Variants in CLEC2L observed in about 807,000 individuals in gnomAD.
CLEC2L encodes C-type lectin domain family 2, member L.
In CLEC2L, 14 loss-of-function variants were observed where a neutral mutation model predicts 23.6. That is an observed-to-expected ratio of 0.59 (90% CI 0.39 to 0.93). CLEC2L has a LOEUF of 0.93. Among genes scored for constraint, CLEC2L ranks in the 40% least tolerant of loss-of-function variants. The probability of loss-of-function intolerance (pLI) is 0.00; values close to 1 mark genes in which losing one functional copy is unlikely to be tolerated. For synonymous variants in CLEC2L, 114 were observed against 121.3 expected, an observed-to-expected ratio of 0.94 and a Z score of 0.40; for missense variants, 264 against 282.4, an observed-to-expected ratio of 0.93 and a Z score of 0.47.
chr7:139,540,133 G>C lies in CLEC2L; in HGVS notation c.266-188G>C, dbSNP rs1797712588. The C allele has an allele frequency of 5.1e-6, 3 of 593,976 alleles. No homozygotes were observed. Among genetic ancestry groups the C allele is most frequent in the African/African-American group, 1.9e-5 (1 of 53,758 alleles). The allele number at this position is 593,976 out of a possible 1,614,324, so 36.8% of individuals were successfully genotyped here. A position where few individuals can be genotyped will look rare whatever the true frequency, so the allele number is the denominator to read the frequency against. On this transcript the variant is annotated intron_variant, in intron 2 of 4. Transcript: ENST00000422142. This position sits in a 1 kb window ranked among gnomAD's most constrained non-coding sequence, Gnocchi z 5.8. ...CCCGTCGTGATGATGCCCCTGCCAG[G>C]CTTCCCACAGTCCCCTTTCTCATTC...
Position 139,544,632 on chromosome 7 carries a change from C to T in CLEC2L, c.*290C>T, listed in dbSNP as rs1208604456. 8.3e-6 allele frequency: 3 copies of T among 362,982 alleles called. No individual in the cohort carries two copies. In the South Asian group the frequency reaches 1.2e-4, roughly 15 times the overall value. 22.5% of individuals were successfully genotyped at this position (362,982 alleles called of 1,614,324 possible). A position where few individuals can be genotyped will look rare whatever the true frequency, so the allele number is the denominator to read the frequency against. On this transcript the variant is annotated 3_prime_UTR_variant, in exon 5 of 5. Coordinates refer to ENST00000422142, the MANE Select transcript of CLEC2L (RefSeq NM_001080511.4). The stretch of plus-strand genomic sequence containing the variant: ...ATGCATAGGTACACGCACGCACAGA[C>T]GCTGTCCCTTCTGAAGCTCAGTGTC...
At chr7:139,542,192 A>C (rs1797745945) in intron 4 of CLEC2L, 71 bp downstream of exon 4, 1 of 1,013,836 alleles carries the variant, frequency 9.9e-7, no homozygotes, top group South Asian at 1.5e-5. Context: ...CCTGGACACA[A>C]CTCCCGAAGA....
intron 3 of CLEC2L, among the ~76,000 whole-genome samples, chr7:139,541,440 C>T (rs914394804): frequency 6.6e-6 from 1 of 152,176 alleles, no homozygotes; most frequent in African/African-American, 2.4e-5. Flanking sequence ...CCAAAACAGT[C>T]TTAGCAACAG....
rs570118822 is a variant in CLEC2L, at chr7:139,542,185, G to A, written c.533+64G>A. 6.4e-6 allele frequency: 7 copies of A among 1,086,968 alleles called. No homozygotes were observed. In the South Asian group the frequency reaches 8.5e-5, roughly 13 times the overall value. 67.3% of individuals were successfully genotyped at this position (1,086,968 alleles called of 1,614,324 possible). A position where few individuals can be genotyped will look rare whatever the true frequency, so the allele number is the denominator to read the frequency against. ...CTGAGAAAGGCCTGACTCACCCCCT[G>A]GACACAACTCCCGAAGAGAGAAGCC... is the stretch of plus-strand genomic sequence containing the variant. On this transcript the variant is annotated intron_variant, in intron 4 of 4. Transcript: ENST00000422142.
chr7:139,533,418 C>T (rs965617180), intron 1 of CLEC2L, among the ~76,000 whole-genome samples: 7 of 152,138 alleles, frequency 4.6e-5, no homozygotes, highest in Non-Finnish European at 1.0e-4. Context: ...TGCACTGATG[C>T]GATCTTGGCT....
chr7:139,523,829 CT>C lies in CLEC2L; in HGVS notation c.-98del. On this transcript the variant is annotated 5_prime_UTR_variant, in exon 1 of 5. Coordinates refer to ENST00000422142, the MANE Select transcript of CLEC2L (RefSeq NM_001080511.4). This position sits in a 1 kb window ranked among gnomAD's most constrained non-coding sequence, Gnocchi z 4.1. ...CGGTCCTAGCCCACCCGAGGCCGGC[CT>C]GGGGGGCCCGCAGGGCGCGCGGAGC... 2.4e-6 allele frequency: 2 copies of C among 824,926 alleles called. No individual in the cohort carries two copies. Among genetic ancestry groups the C allele is most frequent in the Non-Finnish European group, 2.9e-6 (2 of 685,824 alleles). 51.1% of individuals were successfully genotyped at this position (824,926 alleles called of 1,614,324 possible). A position where few individuals can be genotyped will look rare whatever the true frequency, so the allele number is the denominator to read the frequency against.
At chr7:139,529,030 T>C (rs1353340295) in intron 1 of CLEC2L, among the ~76,000 whole-genome samples, 8 of 152,210 alleles carry the variant, frequency 5.3e-5, no homozygotes, top group Admixed American at 5.2e-4. Context: ...TCCCATAGTT[T>C]TTGAGTTCCA....
chr7:139,535,032 A>G (rs897521805), intron 1 of CLEC2L, among the ~76,000 whole-genome samples: 3 of 152,138 alleles, frequency 2.0e-5, no homozygotes, highest in Non-Finnish European at 2.9e-5. Flanking sequence ...ACTCCTAAGC[A>G]TATACCCAAA....
chr7:139,537,527 A>G (rs1318537058), intron 2 of CLEC2L, among the ~76,000 whole-genome samples: 2 of 152,146 alleles, frequency 1.3e-5, no homozygotes, highest in East Asian at 1.9e-4. Flanking sequence ...TGCTTGTGCA[A>G]ACTAATCCTG....
Position 139,544,431 on chromosome 7 carries a change from C to A in CLEC2L, c.*89C>A. ...GACCTGCTTCCAGCGGAGCCGCCTGCCCTCTGCAAGGCGAAGCGGTGGGTG... is the reference window on the plus strand; with the variant it reads ...GACCTGCTTCCAGCGGAGCCGCCTGACCTCTGCAAGGCGAAGCGGTGGGTG... On this transcript the variant is annotated 3_prime_UTR_variant, in exon 5 of 5. Coordinates refer to ENST00000422142, the MANE Select transcript of CLEC2L (RefSeq NM_001080511.4). 2.1e-6 allele frequency: 2 copies of A among 972,048 alleles called. No homozygotes were observed. Among genetic ancestry groups the A allele is most frequent in the Non-Finnish European group, 3.1e-6 (2 of 636,502 alleles). The allele number at this position is 972,048 out of a possible 1,614,324, so 60.2% of individuals were successfully genotyped here.
At chr7:139,524,563 G>A (rs1285666186) in intron 1 of CLEC2L, among the ~76,000 whole-genome samples, 5 of 151,438 alleles carry the variant, frequency 3.3e-5, no homozygotes, top group Admixed American at 3.3e-4. Context: ...ACCCCGTGGT[G>A]GTGGGGCATG....
Position 139,523,709 on chromosome 7 carries a change from G to C in CLEC2L, c.-219G>C, listed in dbSNP as rs1446395902. ...CAGCCCGGCTGTGCGTGGAGGCTGC[G>C]GCTCGGCGGGGCAGGCGCTGAGCGC... On this transcript the variant is annotated 5_prime_UTR_variant, in exon 1 of 5. Coordinates refer to ENST00000422142, the MANE Select transcript of CLEC2L (RefSeq NM_001080511.4). This position sits in a 1 kb window ranked among gnomAD's most constrained non-coding sequence, Gnocchi z 4.1. 1 of 176,256 alleles carries C rather than the reference G, an allele frequency of 5.7e-6. No homozygotes were observed. Among genetic ancestry groups the C allele is most frequent in the Non-Finnish European group, 1.1e-5 (1 of 90,960 alleles). 10.9% of individuals were successfully genotyped at this position (176,256 alleles called of 1,614,324 possible).
chr7:139,544,779 C>T lies in CLEC2L; in HGVS notation c.*437C>T, dbSNP rs1230234658. 5 of 153,424 alleles carry T rather than the reference C, an allele frequency of 3.3e-5. No homozygotes were observed. Among genetic ancestry groups the T allele is most frequent in the African/African-American group, 9.6e-5 (4 of 41,464 alleles). The allele number at this position is 153,424 out of a possible 1,614,324, so 9.5% of individuals were successfully genotyped here. On this transcript the variant is annotated 3_prime_UTR_variant, in exon 5 of 5. Transcript: ENST00000422142. ...GGTTTGACTGTTCACCCAGCAGCCC[C>T]GCTTCCCCACTGGTTTCTCTCCTGG...
rs999168911 is a variant in CLEC2L, at chr7:139,540,727, G to A, written c.432+240G>A. Among the ~76,000 whole-genome samples the A allele has an allele frequency of 4.6e-5, 7 of 152,164 alleles. No homozygotes were observed. The highest frequency in any genetic ancestry group is 1.7e-4 in the African/African-American group (7 of 41,430). On this transcript the variant is annotated intron_variant, in intron 3 of 4. Coordinates refer to ENST00000422142, the MANE Select transcript of CLEC2L (RefSeq NM_001080511.4). The surrounding 1 kb of genome is among the most constrained non-coding windows in gnomAD (Gnocchi z 5.8). ...ACCTATTTCAATCCAAGGCCCACTG[G>A]TTGAGGTCACTTAGTATTATAAACC...
intron 3 of CLEC2L, among the ~76,000 whole-genome samples, chr7:139,541,636 T>C (rs146834092): frequency 2.6e-5 from 4 of 152,196 alleles, no homozygotes; most frequent in Non-Finnish European, 4.4e-5. Context: ...AACCTGAGCA[T>C]TGAGATTTGT....
At chr7:139,525,426 C>G (rs938295305) in intron 1 of CLEC2L, among the ~76,000 whole-genome samples, 2 of 152,124 alleles carry the variant, frequency 1.3e-5, no homozygotes, top group African/African-American at 4.8e-5. Flanking sequence ...GACTCTGAAG[C>G]TGGACCACCA....
chr7:139,533,225 T>C (rs1004857069), intron 1 of CLEC2L, among the ~76,000 whole-genome samples: 2 of 152,078 alleles, frequency 1.3e-5, no homozygotes, highest in African/African-American at 4.8e-5. Flanking sequence ...ATGAATAAAT[T>C]ATATCTAAAA....
At chr7:139,524,558 G>T (rs1797479235) in intron 1 of CLEC2L, among the ~76,000 whole-genome samples, 1 of 151,720 alleles carries the variant, frequency 6.6e-6, no homozygotes, top group Non-Finnish European at 1.5e-5. Flanking sequence ...CGGGGACCCC[G>T]TGGTGGTGGG....
intron 1 of CLEC2L, 68 bp from the exon 2 acceptor site, chr7:139,536,206 A>C: frequency 8.3e-7 from 1 of 1,203,652 alleles, no homozygotes; most frequent in Non-Finnish European, 1.2e-6. Context: ...TTAGCAGGGT[A>C]TGGGGCTGGC....
Sources: allele counts gnomAD v4.1 joint callset (sites outside exome capture counted in the v4.1 genomes callset), GRCh38; gene constraint gnomAD v4.1.1; non-coding constraint Gnocchi (gnomAD v3.1); transcripts MANE v1.5; gene names NCBI Gene and HGNC (gene_info 2026-07-23, HGNC 2026-07-21).